CNOT10: variants seen among roughly 807,000 people sequenced by gnomAD.
CNOT10 encodes CCR4-NOT transcription complex subunit 10, also known as CCR4-NOT transcription complex, subunit 10.
CNOT10 carries 30 observed loss-of-function variants against 94.6 expected under a neutral mutation model. The ratio of observed to expected loss-of-function variants is 0.32; its 90% CI spans 0.24 to 0.43. The LOEUF (loss-of-function observed/expected upper bound fraction) is 0.43. CNOT10 is among the 20% of genes least tolerant of loss of function. The pLI is 1.00. For missense variants in CNOT10, 759 were observed against 877.2 expected, an observed-to-expected ratio of 0.87 and a Z score of 1.70; for synonymous variants, 289 against 301.6, an observed-to-expected ratio of 0.96 and a Z score of 0.43.
chr3:32,763,405 C>T (rs978591235), intron 15 of CNOT10, among the ~76,000 whole-genome samples: 1 of 152,152 alleles, frequency 6.6e-6, no homozygotes, highest in African/African-American at 2.4e-5. Flanking sequence ...AATCCCAACA[C>T]TTTGGGAGGC....
At chr3:32,743,410 G>A (rs111375796) in intron 13 of CNOT10, among the ~76,000 whole-genome samples, 2,971 of 152,028 alleles carry the variant, frequency 0.02, 51 homozygotes, top group East Asian at 0.046. Context: ...CAGGCAAATC[G>A]CCTGAGGTCA....
At chr3:32,753,196 T>C in intron 13 of CNOT10, 1 of 681,968 alleles carries the variant, frequency 1.5e-6, no homozygotes, top group South Asian at 1.4e-5. Flanking sequence ...ACTATGCTGC[T>C]GCCCTAGAAA....
chr3:32,702,252 C>T (rs988849010), intron 1 of CNOT10, among the ~76,000 whole-genome samples: 5 of 152,320 alleles, frequency 3.3e-5, no homozygotes, highest in Non-Finnish European at 7.3e-5. Context: ...TGAGCCATCA[C>T]GCCCAGCCAA....
Position 32,762,966 on chromosome 3 carries a change from A to G in CNOT10, c.1840+103A>G, listed in dbSNP as rs146917437. On this transcript the variant is annotated intron_variant, in intron 15 of 18. Transcript: ENST00000328834. ...TTAGGCATGGTGGTAATGAGAAGAA[A>G]GTTTTAGGTTGGCTTTCCACATTTT... The G allele has an allele frequency of 6.4e-5, 83 of 1,303,114 alleles. No individual in the cohort carries two copies. In the African/African-American group the frequency reaches 1.0e-3, roughly 16 times the overall value. 80.7% of individuals were successfully genotyped at this position (1,303,114 alleles called of 1,614,324 possible).
At chr3:32,695,821 C>G (rs770452364) in intron 1 of CNOT10, 1 of 1,534,994 alleles carries the variant, frequency 6.5e-7, no homozygotes, top group South Asian at 1.2e-5. Context: ...TGTGCAGACT[C>G]TGTCTGGTAA....
chr3:32,748,461 A>G lies in CNOT10; in HGVS notation c.1595+10971A>G, dbSNP rs147693288. ...ATTTGGGAGACGATAGGTTTTTGAA[A>G]TAACAATGATTGATCGCAATAGAAT... is the stretch of plus-strand genomic sequence containing the variant. On this transcript the variant is annotated intron_variant, in intron 13 of 18. Coordinates refer to ENST00000328834, the MANE Select transcript of CNOT10 (RefSeq NM_015442.3). 2.2e-3 allele frequency among the ~76,000 whole-genome samples: 341 copies of G among 152,298 alleles called. 1 individual carries two copies. Among genetic ancestry groups the G allele is most frequent in the African/African-American group, 7.7e-3 (318 of 41,560 alleles).
chr3:32,767,792 A>G (rs1700715703), intron 17 of CNOT10, among the ~76,000 whole-genome samples: 1 of 152,106 alleles, frequency 6.6e-6, no homozygotes, highest in African/African-American at 2.4e-5. Context: ...TCTCAGTAAC[A>G]AGGCTAGGGT....
chr3:32,771,248 G>A lies in CNOT10; in HGVS notation c.2080+1286G>A, dbSNP rs191935118. Among the ~76,000 whole-genome samples the A allele has an allele frequency of 1.2e-4, 18 of 151,996 alleles. No homozygotes were observed. The East Asian group carries it at 3.3e-3, about 28-fold the overall frequency. ...AGGCTGAGATTGGAGGATCACTTGA[G>A]CCCTGGAGGTTGAGGCTGCAGTGAA... On this transcript the variant is annotated intron_variant, in intron 18 of 18. Transcript: ENST00000328834.
intron 4 of CNOT10, among the ~76,000 whole-genome samples, chr3:32,711,865 T>C (rs1364618773): frequency 6.6e-6 from 1 of 152,204 alleles, no homozygotes; most frequent in Non-Finnish European, 1.5e-5. Flanking sequence ...GCTTACTGTC[T>C]TAGGTGCAGT....
intron 3 of CNOT10, among the ~76,000 whole-genome samples, chr3:32,707,122 A>C (rs1454349684): frequency 6.6e-6 from 1 of 152,238 alleles, no homozygotes; most frequent in African/African-American, 2.4e-5. Flanking sequence ...TGCAATCTTC[A>C]TAATGGCAAA....
intron 5 of CNOT10, among the ~76,000 whole-genome samples, chr3:32,714,678 CA>C (rs1254614033): frequency 6.6e-6 from 1 of 152,184 alleles, no homozygotes; most frequent in African/African-American, 2.4e-5. Context: ...CACTGCACTC[CA>C]GCCTGGGAGA....
At chr3:32,697,465 A>G (rs958252314) in intron 1 of CNOT10, among the ~76,000 whole-genome samples, 1 of 151,478 alleles carries the variant, frequency 6.6e-6, no homozygotes. Flanking sequence ...TATTTTATTC[A>G]TATCTTTTAT....
intron 18 of CNOT10, among the ~76,000 whole-genome samples, chr3:32,772,992 A>G (rs900106598): frequency 2.6e-5 from 4 of 152,082 alleles, no homozygotes; most frequent in African/African-American, 4.8e-5. Flanking sequence ...CAGCCCCCCA[A>G]GTAGCTGGGA....
chr3:32,717,260 T>A, intron 7 of CNOT10, 23 bp downstream of exon 7: 1 of 1,459,516 alleles, frequency 6.9e-7, no homozygotes, highest in Non-Finnish European at 9.6e-7. Context: ...TGGACTTTTG[T>A]TTTTCAATTT....
At chr3:32,719,898 T>G (rs1698294122) in intron 7 of CNOT10, among the ~76,000 whole-genome samples, 1 of 152,158 alleles carries the variant, frequency 6.6e-6, no homozygotes, top group Admixed American at 6.5e-5. Context: ...TTTTTTCAGG[T>G]GGACCCTTAG....
intron 13 of CNOT10, among the ~76,000 whole-genome samples, chr3:32,745,188 A>G (rs954456855): frequency 2.0e-5 from 3 of 152,124 alleles, no homozygotes; most frequent in African/African-American, 7.2e-5. Context: ...CTTCTCTCAT[A>G]TACTTTAAGT....
At position 32,704,793 on chromosome 3, in the gene CNOT10, G is replaced by A. The variant is rs753448464; in HGVS notation, c.118-18G>A. 18 of 1,542,168 alleles carry A rather than the reference G, an allele frequency of 1.2e-5. No homozygotes were observed. Among genetic ancestry groups the A allele is most frequent in the Non-Finnish European group, 1.6e-5 (18 of 1,151,558 alleles). On this transcript the variant is annotated intron_variant, in intron 2 of 18. Coordinates refer to ENST00000328834, the MANE Select transcript of CNOT10 (RefSeq NM_015442.3). ...GGTATGTAATTTTGTGTGTGTGTGT[G>A]TGGTTTTTTTTTTTTAGTCTGGAAA...
chr3:32,758,023 T>A (rs556224469), intron 13 of CNOT10, among the ~76,000 whole-genome samples: 1 of 152,350 alleles, frequency 6.6e-6, no homozygotes, highest in South Asian at 2.1e-4. Flanking sequence ...TAGAAAATTA[T>A]AATGTACAAG....
intron 1 of CNOT10, among the ~76,000 whole-genome samples, chr3:32,702,956 G>A (rs1304406824): frequency 2.0e-5 from 3 of 149,228 alleles, no homozygotes; most frequent in Non-Finnish European, 4.4e-5. Context: ...CTGTCGCCCC[G>A]GCTGGAGTGC....
Sources: gnomAD v4.1 joint callset for allele counts (sites outside exome capture counted in the v4.1 genomes callset) on GRCh38, gnomAD v4.1.1 for gene constraint, MANE v1.5 for transcripts, NCBI Gene and HGNC (gene_info 2026-07-23, HGNC 2026-07-21) for gene names.